USH1C: variants seen among roughly 807,000 people sequenced by gnomAD.
USH1C encodes USH1 protein network component harmonin.
USH1C carries 90 observed loss-of-function variants against 119.3 expected under a neutral mutation model. That is an observed-to-expected ratio of 0.75 (90% CI 0.64 to 0.90). USH1C has a LOEUF of 0.90. Among genes scored for constraint, USH1C ranks in the 40% least tolerant of loss-of-function variants. USH1C has a pLI of 0.00. For synonymous variants in USH1C, 465 were observed against 443.3 expected (o/e 1.05, Z -0.62); for missense variants, 1,165 against 1,167.7 (o/e 1.00, Z 0.03).
At chr11:17,519,097 G>A (rs1241786306) in intron 14 of USH1C, among the ~76,000 whole-genome samples, 2 of 139,118 alleles carry the variant, frequency 1.4e-5, no homozygotes, top group Admixed American at 7.1e-5. Flanking sequence ...TGCAAACTGG[G>A]TGCTGAGTTG....
chr11:17,526,928 G>A, intron 6 of USH1C, 88 bp downstream of exon 6: 1 of 1,571,936 alleles, frequency 6.4e-7, no homozygotes, highest in African/African-American at 1.3e-5. Flanking sequence ...CAGAAGCAGG[G>A]CTGGCATGGT....
intron 10 of USH1C, 34 bp downstream of exon 10, chr11:17,523,385 C>T (rs1850508787): frequency 6.2e-7 from 1 of 1,613,942 alleles, no homozygotes; most frequent in Non-Finnish European, 8.5e-7. Flanking sequence ...GTGGAGATGA[C>T]AAGGGCCAAC....
intron 26 of USH1C, 90 bp downstream of exon 26, chr11:17,495,479 G>T (rs1849211413): frequency 7.3e-7 from 1 of 1,369,722 alleles, no homozygotes; most frequent in East Asian, 2.3e-5. Flanking sequence ...CCAGACGCCA[G>T]TCCAAAGAAC....
chr11:17,506,868 G>A (rs1320077744), intron 18 of USH1C, among the ~76,000 whole-genome samples: 1 of 152,204 alleles, frequency 6.6e-6, no homozygotes, highest in Non-Finnish European at 1.5e-5. Context: ...ACTGTCTTGA[G>A]AAGGGAGACT....
At chr11:17,515,689 T>C (rs1850111868) in intron 15 of USH1C, among the ~76,000 whole-genome samples, 1 of 152,158 alleles carries the variant, frequency 6.6e-6, no homozygotes, top group South Asian at 2.1e-4. Flanking sequence ...TGTAATAAGA[T>C]TTAGAGAGAA....
chr11:17,522,716 G>A (rs1221345210), intron 12 of USH1C, 68 bp downstream of exon 12: 1 of 1,609,380 alleles, frequency 6.2e-7, no homozygotes, highest in African/African-American at 1.3e-5. Context: ...CGGGCAGGAA[G>A]CAAGCTAGGT....
intron 26 of USH1C, chr11:17,495,207 A>C: frequency 3.0e-6 from 1 of 330,998 alleles, no homozygotes; most frequent in South Asian, 3.2e-5. Flanking sequence ...GGGCTCCTTC[A>C]GCCCCACATG....
chr11:17,544,395 C>T lies in USH1C; in HGVS notation c.-88G>A, dbSNP rs1054796665. On this transcript the variant is annotated 5_prime_UTR_variant, in exon 1 of 27. Transcript: ENST00000005226. Reference sequence around the variant, plus strand: ...AGCTGGAAAGAGCCGCGACCGCGACCGGGCCAGCCGCCCTCGGAGCTGGGG... The same window carrying T: ...AGCTGGAAAGAGCCGCGACCGCGACTGGGCCAGCCGCCCTCGGAGCTGGGG... 33 of 1,589,084 alleles carry T rather than the reference C, an allele frequency of 2.1e-5. No individual in the cohort carries two copies. The African/African-American group carries it at 2.8e-4, about 14-fold the overall frequency.
intron 20 of USH1C, 147 bp from the exon 21 acceptor site, chr11:17,502,127 C>G: frequency 1.4e-6 from 1 of 729,554 alleles, no homozygotes; most frequent in Admixed American, 2.9e-5. Flanking sequence ...GGGATGCAGA[C>G]AGGAGGCCGG....
At chr11:17,515,157 T>C (rs1365346099) in intron 15 of USH1C, among the ~76,000 whole-genome samples, 2 of 152,046 alleles carry the variant, frequency 1.3e-5, no homozygotes, top group African/African-American at 2.4e-5. Flanking sequence ...CAATGAGGCA[T>C]CCTAAGCCAC....
At chr11:17,510,283 C>T (rs1591980314) in intron 17 of USH1C, 122 bp downstream of exon 17, 1 of 798,504 alleles carries the variant, frequency 1.3e-6, no homozygotes, top group Non-Finnish European at 2.1e-6. Flanking sequence ...TGGGCCTGGA[C>T]AGTGGATGGG....
Position 17,509,344 on chromosome 11 carries a change from C to G in USH1C, c.2013+12G>C. Reference sequence around the variant, plus strand: ...CTACTTCCAAACATAGCATGCAGAACAGGGACATTACCTTTGGGGTGGGTG... The same window carrying G: ...CTACTTCCAAACATAGCATGCAGAAGAGGGACATTACCTTTGGGGTGGGTG... On this transcript the variant is annotated intron_variant, in intron 18 of 26. Coordinates refer to ENST00000005226, the MANE Select transcript of USH1C (RefSeq NM_153676.4). 1 of 1,567,342 alleles carries G rather than the reference C, an allele frequency of 6.4e-7. No homozygotes were observed. The highest frequency in any genetic ancestry group is 1.7e-5 in the Admixed American group (1 of 57,282).
chr11:17,521,307 AT>A, intron 13 of USH1C, 38 bp downstream of exon 13: 1 of 1,608,424 alleles, frequency 6.2e-7, no homozygotes, highest in Non-Finnish European at 8.5e-7. Flanking sequence ...GAGCACACTG[AT>A]GTTCATGCAC....
chr11:17,534,835 C>A (rs1218890740), intron 1 of USH1C, among the ~76,000 whole-genome samples: 2 of 146,168 alleles, frequency 1.4e-5, no homozygotes, highest in East Asian at 4.1e-4. Flanking sequence ...GATTGCACCA[C>A]TGCACTCCAG....
chr11:17,528,272 T>G (rs907053724), intron 4 of USH1C, among the ~76,000 whole-genome samples: 27 of 152,322 alleles, frequency 1.8e-4, no homozygotes, highest in African/African-American at 5.5e-4. Context: ...AGATGGGCCC[T>G]GGGCAGCCAG....
chr11:17,532,999 C>T (rs1411948095), intron 2 of USH1C, among the ~76,000 whole-genome samples: 4 of 152,224 alleles, frequency 2.6e-5, no homozygotes, highest in African/African-American at 9.6e-5. Context: ...ACAGCCTCCT[C>T]CATCAGACTG....
intron 24 of USH1C, 38 bp from the exon 25 acceptor site, chr11:17,496,851 G>T (rs762045050): frequency 6.2e-7 from 1 of 1,611,290 alleles, no homozygotes; most frequent in East Asian, 2.2e-5. Context: ...GGCACACTCA[G>T]TTGGATGGTG....
rs150913798 is a variant in USH1C, at chr11:17,515,145, C to T, written c.1260+1096G>A. ...ATATAGAGAAGAATTAGAAATCTAACCCAATGAGGCATCCTAAGCCACCAA... is the reference window on the plus strand; with the variant it reads ...ATATAGAGAAGAATTAGAAATCTAATCCAATGAGGCATCCTAAGCCACCAA... On this transcript the variant is annotated intron_variant, in intron 15 of 26. Coordinates refer to ENST00000005226, the MANE Select transcript of USH1C (RefSeq NM_153676.4). Among the ~76,000 whole-genome samples the T allele has an allele frequency of 1.2e-4, 18 of 152,016 alleles. 1 individual carries two copies. Among genetic ancestry groups the T allele is most frequent in the African/African-American group, 4.3e-4 (18 of 41,462 alleles).
At chr11:17,511,242 C>G (rs1019269152) in intron 16 of USH1C, among the ~76,000 whole-genome samples, 1 of 152,134 alleles carries the variant, frequency 6.6e-6, no homozygotes, top group African/African-American at 2.4e-5. Context: ...CAGCCTTAGA[C>G]TGATAGCCTG....
Sources: allele counts gnomAD v4.1 joint callset (sites outside exome capture counted in the v4.1 genomes callset), GRCh38; gene constraint gnomAD v4.1.1; transcripts MANE v1.5; gene names NCBI Gene and HGNC (gene_info 2026-07-23, HGNC 2026-07-21).